The following FRMD6 variants were observed in gnomAD, a reference collection of about 807,000 sequenced individuals.
FRMD6 encodes the protein FERM domain-containing protein 6.
A neutral mutation model predicts 73.2 loss-of-function variants in FRMD6; 37 were observed. The observed-to-expected ratio is 0.51, with a 90% CI of 0.39 to 0.66. FRMD6 has a LOEUF of 0.66. FRMD6 is among the 30% of genes least tolerant of loss of function. The pLI is 0.00. For missense variants in FRMD6, 714 were observed against 780.5 expected, an observed-to-expected ratio of 0.91 and a Z score of 1.02; for synonymous variants, 273 against 282.2, an observed-to-expected ratio of 0.97 and a Z score of 0.33.
chr14:51,599,095 C>T (rs1292599143), intron 2 of FRMD6, among the ~76,000 whole-genome samples: 1 of 110,586 alleles, frequency 9.0e-6, no homozygotes, highest in African/African-American at 4.1e-5. Context: ...TAGTAATAGC[C>T]ATTCTGACTG....
chr14:51,702,681 C>T (rs1594758007), intron 5 of FRMD6, 93 bp downstream of exon 5: 1 of 1,031,844 alleles, frequency 9.7e-7, no homozygotes, highest in Non-Finnish European at 1.5e-6. Flanking sequence ...TATTCTTTGT[C>T]TTCACCTTTA....
At chr14:51,441,588 C>G in the FRMD6 span, among the ~76,000 whole-genome samples, 1 of 151,938 alleles carries the variant, frequency 6.6e-6, no homozygotes, top group South Asian at 2.1e-4. Context: ...TTACTAGGAG[C>G]CTTGGTCCAG....
chr14:51,520,748 A>T (rs979141382), intron 1 of FRMD6, among the ~76,000 whole-genome samples: 4 of 152,142 alleles, frequency 2.6e-5, no homozygotes, highest in Non-Finnish European at 5.9e-5. Flanking sequence ...AAATTCAAAA[A>T]TTAGCCAAAA....
In FRMD6 at chr14:51,633,532, T is replaced by G. The variant is rs555480384; in HGVS notation, c.-146-56159T>G. 3.1e-5 allele frequency among the ~76,000 whole-genome samples: 4 copies of G among 127,926 alleles called. No homozygotes were observed. In the South Asian group the frequency reaches 9.5e-4, roughly 30 times the overall value. 83.9% of individuals were successfully genotyped at this position (127,926 alleles called of 152,430 possible). A position where few individuals can be genotyped will look rare whatever the true frequency, so the allele number is the denominator to read the frequency against. On this transcript the variant is annotated intron_variant, in intron 2 of 14. Coordinates refer to the FRMD6 transcript ENST00000356218. ...ACGAGGATCACCTGAGCCCAGGAGG[T>G]GGAGACTGCAGTGAGCTAAGATCAT...
At chr14:51,576,755 G>A (rs79907386) in intron 2 of FRMD6, among the ~76,000 whole-genome samples, 2,829 of 152,246 alleles carry the variant, frequency 0.019, 86 homozygotes, top group African/African-American at 0.065. Context: ...GCTGGAGACA[G>A]GAACCTCCCA....
chr14:51,589,856 G>A (rs750461696), intron 2 of FRMD6, among the ~76,000 whole-genome samples: 72 of 152,320 alleles, frequency 4.7e-4, no homozygotes, highest in Admixed American at 1.6e-3. Flanking sequence ...ATCACCTGAG[G>A]TCAGGAGTTC....
chr14:51,573,519 C>T (rs907843790), intron 2 of FRMD6, among the ~76,000 whole-genome samples: 1 of 152,136 alleles, frequency 6.6e-6, no homozygotes, highest in Non-Finnish European at 1.5e-5. Context: ...CAGTACTTTA[C>T]AAGAAAGTAA....
At chr14:51,659,553 C>G (rs561429403) in intron 1 of FRMD6, among the ~76,000 whole-genome samples, 32 of 152,126 alleles carry the variant, frequency 2.1e-4, no homozygotes, top group Non-Finnish European at 4.1e-4. Context: ...ACTAATTGAT[C>G]GAGTTATTTT....
At chr14:51,444,530 A>G in the FRMD6 span, among the ~76,000 whole-genome samples, 1 of 152,184 alleles carries the variant, frequency 6.6e-6, no homozygotes, top group South Asian at 2.1e-4. Flanking sequence ...TCAGTCGTTT[A>G]GTAAAATTCC....
chr14:51,676,273 A>G (rs1387825566), intron 1 of FRMD6, among the ~76,000 whole-genome samples: 1 of 152,164 alleles, frequency 6.6e-6, no homozygotes, highest in Admixed American at 6.6e-5. Flanking sequence ...TAAATTTTTC[A>G]TTTGATTGCA....
chr14:51,415,126 A>G, the FRMD6 span, among the ~76,000 whole-genome samples: 1,048 of 152,246 alleles, frequency 6.9e-3, 29 homozygotes, highest in East Asian at 0.043. Flanking sequence ...CTCTTTTCCT[A>G]CTTGAATACC....
At chr14:51,673,279 C>T (rs1319273849) in intron 1 of FRMD6, among the ~76,000 whole-genome samples, 1 of 151,598 alleles carries the variant, frequency 6.6e-6, no homozygotes, top group Non-Finnish European at 1.5e-5. Context: ...TTTTTTTCCA[C>T]GTTAGCACAG....
intron 4 of FRMD6, among the ~76,000 whole-genome samples, chr14:51,702,213 A>G (rs1456595420): frequency 6.6e-6 from 1 of 152,048 alleles, no homozygotes; most frequent in Non-Finnish European, 1.5e-5. Flanking sequence ...GGTCTCAGCT[A>G]GAAATTTCCA....
chr14:51,490,620 G>GTGTGTGTGTGTGTGTGTGTGTGTA (rs546491853), intron 1 of FRMD6, among the ~76,000 whole-genome samples: 11 of 151,952 alleles, frequency 7.2e-5, no homozygotes, highest in South Asian at 6.3e-4. Flanking sequence ...TGTATTTTGT[G>GTGTGTGTGTGTGTGTGTGTGTGTA]TGTGTGTGTG....
chr14:51,664,048 T>C (rs1263621484), intron 1 of FRMD6, among the ~76,000 whole-genome samples: 1 of 152,234 alleles, frequency 6.6e-6, no homozygotes, highest in Non-Finnish European at 1.5e-5. Context: ...GGGGGACACA[T>C]TCAAACCATA....
chr14:51,429,048 GGAAGAGAAGAGGAGAAGAGAAAAGA>G, the FRMD6 span, among the ~76,000 whole-genome samples: 22 of 105,092 alleles, frequency 2.1e-4, no homozygotes. Context: ...AAAAGAAAAG[GGAAGAGAAGAGGAGAAGAGAAAAGA>G]GAAGAGAACA....
chr14:51,583,563 T>A (rs1472175635), intron 2 of FRMD6, among the ~76,000 whole-genome samples: 1 of 152,182 alleles, frequency 6.6e-6, no homozygotes, highest in Non-Finnish European at 1.5e-5. Flanking sequence ...TTAACACATA[T>A]ATTAAACTTC....
chr14:51,704,809 G>A lies in FRMD6; in HGVS notation c.432G>A (p.Gln144=). 1 of 1,613,422 alleles carries A rather than the reference G, an allele frequency of 6.2e-7. No homozygotes were observed. Residue 144 remains glutamine (Q), a synonymous_variant, in exon 6 of 14, where the codon CAG becomes CAA. Coordinates refer to ENST00000344768, the MANE Select transcript of FRMD6 (RefSeq NM_001267046.2). ...TGAGAAAACAAGTTCTTCATTCTCAGTGTGTGCTCCGAGAGGAGGCCTACT... is the reference window on the plus strand; with the variant it reads ...TGAGAAAACAAGTTCTTCATTCTCAATGTGTGCTCCGAGAGGAGGCCTACT... ...WHLRKQVLHS[Q]CVLREEAYFL...
At chr14:51,449,784 A>G in the FRMD6 span, among the ~76,000 whole-genome samples, 1 of 151,964 alleles carries the variant, frequency 6.6e-6, no homozygotes, top group South Asian at 2.1e-4. Flanking sequence ...TAAAACACAA[A>G]CCCACAGCTG....
Sources: gnomAD v4.1 joint callset for allele counts (sites outside exome capture counted in the v4.1 genomes callset) on GRCh38, gnomAD v4.1.1 for gene constraint, MANE v1.5 for transcripts, NCBI Gene and HGNC (gene_info 2026-07-23, HGNC 2026-07-21) for gene names.